Variants in HIBADH observed in about 807,000 individuals in gnomAD.
HIBADH encodes 3-hydroxyisobutyrate dehydrogenase, mitochondrial.
HIBADH carries 25 observed loss-of-function variants against 36.1 expected under a neutral mutation model. The ratio of observed to expected loss-of-function variants is 0.69; its 90% CI spans 0.50 to 0.97. The LOEUF (loss-of-function observed/expected upper bound fraction) is 0.97. Ranked by LOEUF, HIBADH falls within the 50% of genes least tolerant of loss-of-function variation. HIBADH has a pLI of 0.00. For missense variants in HIBADH, 421 were observed against 418.0 expected, an observed-to-expected ratio of 1.01 and a Z score of -0.06; for synonymous variants, 160 against 149.5, an observed-to-expected ratio of 1.07 and a Z score of -0.51.
chr7:27,583,349 G>A (rs1295167471), intron 4 of HIBADH, among the ~76,000 whole-genome samples: 1 of 151,956 alleles, frequency 6.6e-6, no homozygotes, highest in Non-Finnish European at 1.5e-5. Flanking sequence ...CTTGGCCAAT[G>A]TTACAAAACT....
chr7:27,585,212 T>C (rs1001222635), intron 4 of HIBADH, among the ~76,000 whole-genome samples: 2 of 151,952 alleles, frequency 1.3e-5, no homozygotes, highest in South Asian at 2.1e-4. Context: ...TGTATAAAAG[T>C]ACGTGTGTAT....
At chr7:27,576,180 G>A (rs1012443129) in intron 4 of HIBADH, among the ~76,000 whole-genome samples, 21 of 152,288 alleles carry the variant, frequency 1.4e-4, no homozygotes, top group African/African-American at 4.6e-4. Context: ...AGGAGGAACT[G>A]ATCATAACCA....
chr7:27,556,601 T>C (rs1487324305), intron 4 of HIBADH, among the ~76,000 whole-genome samples: 9 of 152,224 alleles, frequency 5.9e-5, no homozygotes, highest in Admixed American at 2.0e-4. Context: ...TTTCAGTGTA[T>C]GGGGTGAAGT....
chr7:27,586,099 T>A (rs1368626251), intron 4 of HIBADH, among the ~76,000 whole-genome samples: 1 of 150,856 alleles, frequency 6.6e-6, no homozygotes, highest in Non-Finnish European at 1.5e-5. Flanking sequence ...TTTAAAAATG[T>A]TTTTTCCCTA....
intron 7 of HIBADH, 62 bp from the exon 8 acceptor site, chr7:27,526,434 G>C (rs12700813): frequency 0.6 from 802,827 of 1,348,752 alleles, 245,190 homozygotes; most frequent in East Asian, 0.94. Flanking sequence ...TGGAACTGTG[G>C]TTCCTTATGT....
At chr7:27,558,844 T>G (rs1301493428) in intron 4 of HIBADH, among the ~76,000 whole-genome samples, 1 of 152,232 alleles carries the variant, frequency 6.6e-6, no homozygotes, top group African/African-American at 2.4e-5. Context: ...TTCATTTATT[T>G]TAGCTTAAAA....
intron 1 of HIBADH, among the ~76,000 whole-genome samples, chr7:27,650,279 C>CAA (rs35475209): frequency 0.013 from 1,841 of 138,952 alleles, 28 homozygotes; most frequent in African/African-American, 0.035. Context: ...TCCAATGATA[C>CAA]AAAAAAAAAA....
chr7:27,611,189 A>C (rs930871507), intron 4 of HIBADH, among the ~76,000 whole-genome samples: 2 of 152,200 alleles, frequency 1.3e-5, no homozygotes, highest in African/African-American at 2.4e-5. Context: ...AATACAGTTT[A>C]GCAAATCAAT....
At chr7:27,549,902 ATTTCTTTTCT>A (rs898928293) in intron 4 of HIBADH, among the ~76,000 whole-genome samples, 1 of 151,984 alleles carries the variant, frequency 6.6e-6, no homozygotes, top group African/African-American at 2.4e-5. Context: ...ATTACTTAGC[ATTTCTTTTCT>A]TTTCTTTTCT....
chr7:27,574,765 A>T (rs1784684328), intron 4 of HIBADH, among the ~76,000 whole-genome samples: 1 of 152,194 alleles, frequency 6.6e-6, no homozygotes, highest in South Asian at 2.1e-4. Flanking sequence ...ATTTTTACCA[A>T]AACACAAGCA....
intron 4 of HIBADH, among the ~76,000 whole-genome samples, chr7:27,561,419 G>C (rs1253832015): frequency 1.3e-5 from 2 of 152,022 alleles, no homozygotes; most frequent in Admixed American, 6.6e-5. Flanking sequence ...AATTTTAAAT[G>C]TATAGGTTTT....
rs773835591 is a variant in HIBADH, at chr7:27,629,434, T to C, written c.421A>G (p.Lys141Glu). 9.9e-6 allele frequency: 16 copies of C among 1,611,796 alleles called. No homozygotes were observed. The highest frequency in any genetic ancestry group is 3.4e-6 in the Non-Finnish European group (4 of 1,178,560). Residue 141 changes from lysine (K) to glutamate (E), a missense_variant, in exon 4 of 8, where the codon AAA (lysine) becomes GAA (glutamate). Transcript: ENST00000265395. ...TTCTCAACTTCTTTGGCCAATTCTT[T>C]TGAAACTGCAGGATCAATAGTGCTG... ...DSSTIDPAVS[K>E]ELAKEVEKMG...
At chr7:27,581,921 T>C (rs1226741835) in intron 4 of HIBADH, among the ~76,000 whole-genome samples, 1 of 151,802 alleles carries the variant, frequency 6.6e-6, no homozygotes, top group Non-Finnish European at 1.5e-5. Context: ...AGAAAAAAAA[T>C]ATAGTACTTG....
At position 27,529,160 on chromosome 7, in the gene HIBADH, G is replaced by T. The variant is rs561809123; in HGVS notation, c.852+2032C>A. Among the ~76,000 whole-genome samples, 48 of 152,312 alleles carry T rather than the reference G, an allele frequency of 3.2e-4. No individual in the cohort carries two copies. The South Asian group carries it at 6.4e-3, about 20-fold the overall frequency. On this transcript the variant is annotated intron_variant, in intron 7 of 7. Transcript: ENST00000265395. ...ATACGACTGCTCACTGACAGTACACGTGGTCACCCAAGAGTGCTGATGGAG... is the reference window on the plus strand; with the variant it reads ...ATACGACTGCTCACTGACAGTACACTTGGTCACCCAAGAGTGCTGATGGAG...
At chr7:27,613,684 G>T (rs1278453537) in intron 4 of HIBADH, among the ~76,000 whole-genome samples, 1 of 139,960 alleles carries the variant, frequency 7.1e-6, no homozygotes. Context: ...TTTTGAGACA[G>T]GTCTCACTCT....
At chr7:27,555,994 A>T (rs1406570225) in intron 4 of HIBADH, among the ~76,000 whole-genome samples, 1 of 152,172 alleles carries the variant, frequency 6.6e-6, no homozygotes, top group African/African-American at 2.4e-5. Context: ...GTGTATTCTG[A>T]AAACAAAATT....
intron 4 of HIBADH, among the ~76,000 whole-genome samples, chr7:27,550,288 G>C (rs1352292058): frequency 6.6e-6 from 1 of 151,990 alleles, no homozygotes; most frequent in Non-Finnish European, 1.5e-5. Flanking sequence ...GTATATTTAT[G>C]CTTCAGCAAA....
Position 27,635,596 on chromosome 7 carries a change from T to A in HIBADH, c.253-3151A>T, listed in dbSNP as rs1012085536. Among the ~76,000 whole-genome samples, 24 of 152,204 alleles carry A rather than the reference T, an allele frequency of 1.6e-4. 1 individual carries two copies. The highest frequency in any genetic ancestry group is 9.8e-4 in the Admixed American group (15 of 15,282). ...TTAGACAGATATTTTTCATATTTAGTAATCTCAAGTTCTAAGAAGGTATGG... is the reference window on the plus strand; with the variant it reads ...TTAGACAGATATTTTTCATATTTAGAAATCTCAAGTTCTAAGAAGGTATGG... On this transcript the variant is annotated intron_variant, in intron 2 of 7. Transcript: ENST00000265395.
At chr7:27,547,287 A>T (rs556171839) in intron 4 of HIBADH, among the ~76,000 whole-genome samples, 12 of 152,318 alleles carry the variant, frequency 7.9e-5, no homozygotes, top group African/African-American at 2.9e-4. Flanking sequence ...TAGTTCATTC[A>T]GGCCTCTGTT....
Sources: gnomAD v4.1 joint callset for allele counts (sites outside exome capture counted in the v4.1 genomes callset) on GRCh38, gnomAD v4.1.1 for gene constraint, MANE v1.5 for transcripts, NCBI Gene and HGNC (gene_info 2026-07-23, HGNC 2026-07-21) for gene names.